The following SPIDR variants were observed in gnomAD, a reference collection of about 807,000 sequenced individuals.
The protein encoded by SPIDR is scaffold protein involved in DNA repair.
Under a neutral mutation model 104.6 loss-of-function variants are expected in SPIDR, and 93 were observed. The ratio of observed to expected loss-of-function variants is 0.89; its 90% CI spans 0.75 to 1.06. The LOEUF (loss-of-function observed/expected upper bound fraction) is 1.06. SPIDR is among the 50% of genes least tolerant of loss of function. The pLI is 0.00. For missense variants in SPIDR, 1,154 were observed against 1,111.2 expected (o/e 1.04, Z -0.55); for synonymous variants, 431 against 416.9 (o/e 1.03, Z -0.41).
chr8:47,397,293 C>A (rs1179635836), intron 6 of SPIDR, among the ~76,000 whole-genome samples: 1 of 152,074 alleles, frequency 6.6e-6, no homozygotes, highest in African/African-American at 2.4e-5. Flanking sequence ...GTCAGGAGTT[C>A]GAGACCAGCC....
At chr8:47,676,223 A>G (rs1034546144) in intron 11 of SPIDR, among the ~76,000 whole-genome samples, 4 of 152,270 alleles carry the variant, frequency 2.6e-5, no homozygotes, top group African/African-American at 7.2e-5. Flanking sequence ...TGTTTTTGCC[A>G]TGGGAAATGC....
intron 8 of SPIDR, among the ~76,000 whole-genome samples, chr8:47,562,078 T>A (rs1238312949): frequency 6.6e-6 from 1 of 152,148 alleles, no homozygotes; most frequent in Non-Finnish European, 1.5e-5. Flanking sequence ...CTTTTATGCT[T>A]CCTTTATATG....
intron 5 of SPIDR, among the ~76,000 whole-genome samples, chr8:47,370,167 G>A (rs1471887135): frequency 2.0e-5 from 3 of 152,226 alleles, no homozygotes; most frequent in Admixed American, 6.5e-5. Flanking sequence ...AAATGTGGTC[G>A]TGGACTCTGG....
At chr8:47,387,337 T>C (rs782622305) in intron 5 of SPIDR, among the ~76,000 whole-genome samples, 5 of 152,086 alleles carry the variant, frequency 3.3e-5, no homozygotes, top group Non-Finnish European at 7.4e-5. Flanking sequence ...GGAAGTTGTT[T>C]ATAGGATCTT....
chr8:47,641,335 A>G (rs769239867), intron 10 of SPIDR, among the ~76,000 whole-genome samples: 1 of 152,020 alleles, frequency 6.6e-6, no homozygotes, highest in East Asian at 1.9e-4. Flanking sequence ...AGACTAATCA[A>G]TTTTGACTTT....
chr8:47,475,691 T>C (rs763161990), intron 8 of SPIDR, among the ~76,000 whole-genome samples: 1 of 152,138 alleles, frequency 6.6e-6, no homozygotes, highest in Non-Finnish European at 1.5e-5. Flanking sequence ...AATGCAGTGC[T>C]GAGGAGAGGA....
chr8:47,411,095 T>C (rs2063464646), intron 7 of SPIDR, among the ~76,000 whole-genome samples: 1 of 152,234 alleles, frequency 6.6e-6, no homozygotes, highest in Admixed American at 6.5e-5. Flanking sequence ...GTCTTTGCTA[T>C]TGTGAATAGT....
intron 3 of SPIDR, among the ~76,000 whole-genome samples, chr8:47,288,171 T>C (rs2039223869): frequency 6.6e-6 from 1 of 152,224 alleles, no homozygotes; most frequent in Admixed American, 6.5e-5. Flanking sequence ...GATTTCTGTA[T>C]TGTAGTTTGT....
intron 16 of SPIDR, among the ~76,000 whole-genome samples, chr8:47,723,650 C>G (rs1287336428): frequency 6.6e-6 from 1 of 152,040 alleles, no homozygotes; most frequent in African/African-American, 2.4e-5. Flanking sequence ...AGGATGGTCT[C>G]GATCTCCTGA....
At chr8:47,500,604 C>G (rs922525004) in intron 8 of SPIDR, among the ~76,000 whole-genome samples, 4 of 152,144 alleles carry the variant, frequency 2.6e-5, no homozygotes, top group Non-Finnish European at 5.9e-5. Flanking sequence ...CCTGTTCACT[C>G]TGATGGTAGT....
At chr8:47,581,818 C>T (rs992617737) in intron 8 of SPIDR, among the ~76,000 whole-genome samples, 8 of 152,210 alleles carry the variant, frequency 5.3e-5, no homozygotes, top group African/African-American at 1.9e-4. Context: ...TCTGTCACTG[C>T]ATTAATACCT....
At position 47,735,758 on chromosome 8, in the gene SPIDR, T is replaced by G; in HGVS notation, c.*308T>G. 1 of 544,680 alleles carries G rather than the reference T, an allele frequency of 1.8e-6. No homozygotes were observed. The allele number at this position is 544,680 out of a possible 1,614,324, so 33.7% of individuals were successfully genotyped here. A position where few individuals can be genotyped will look rare whatever the true frequency, so the allele number is the denominator to read the frequency against. ...CAATATATGAGAAAAAAATTTTTTT[T>G]GTTCATTTGTAATTTTAACAAGTTG... On this transcript the variant is annotated 3_prime_UTR_variant, in exon 20 of 20. Transcript: ENST00000297423.
intron 5 of SPIDR, chr8:47,330,972 G>A: frequency 3.0e-6 from 1 of 334,684 alleles, no homozygotes; most frequent in Non-Finnish European, 6.0e-6. Flanking sequence ...ATTCCCACCA[G>A]CAAAAGAGTT....
At chr8:47,729,571 A>G (rs1423561087) in intron 19 of SPIDR, 106 bp downstream of exon 19, 1 of 1,298,424 alleles carries the variant, frequency 7.7e-7, no homozygotes, top group Non-Finnish European at 1.1e-6. Context: ...ATTACAACCC[A>G]TCCCACTAGG....
chr8:47,314,218 A>G (rs757910007), intron 5 of SPIDR, among the ~76,000 whole-genome samples: 42 of 152,214 alleles, frequency 2.8e-4, no homozygotes, highest in Non-Finnish European at 4.6e-4. Flanking sequence ...TTAAAGATAT[A>G]CATTATAATT....
At chr8:47,403,066 C>T (rs1265802669) in intron 6 of SPIDR, among the ~76,000 whole-genome samples, 3 of 152,244 alleles carry the variant, frequency 2.0e-5, no homozygotes, top group Admixed American at 6.5e-5. Flanking sequence ...AATCAGTAAA[C>T]GTAATCCATT....
intron 5 of SPIDR, among the ~76,000 whole-genome samples, chr8:47,381,802 A>G (rs1554645578): frequency 6.6e-6 from 1 of 152,226 alleles, no homozygotes; most frequent in Non-Finnish European, 1.5e-5. Context: ...ACGCCTTTGC[A>G]TGTTGGCCAA....
At chr8:47,349,225 A>G (rs1554620574) in intron 5 of SPIDR, among the ~76,000 whole-genome samples, 3 of 152,124 alleles carry the variant, frequency 2.0e-5, no homozygotes. Context: ...AGGTCTGTTG[A>G]AGTTTGTTGG....
chr8:47,361,890 G>A (rs2056050279), intron 5 of SPIDR, among the ~76,000 whole-genome samples: 1 of 152,188 alleles, frequency 6.6e-6, no homozygotes, highest in Admixed American at 6.5e-5. Context: ...GGGATGCAGG[G>A]ACCCTTAGTT....
Sources: allele counts gnomAD v4.1 joint callset (sites outside exome capture counted in the v4.1 genomes callset), GRCh38; gene constraint gnomAD v4.1.1; transcripts MANE v1.5; gene names NCBI Gene and HGNC (gene_info 2026-07-23, HGNC 2026-07-21).